DNAJC15: variants seen among roughly 807,000 people sequenced by gnomAD.
DNAJC15 encodes dnaJ homolog subfamily C member 15.
In DNAJC15, 27 loss-of-function variants were observed where a neutral mutation model predicts 22.4. The ratio of observed to expected loss-of-function variants is 1.20; its 90% CI spans 0.89 to 1.66. DNAJC15 has a LOEUF of 1.66. Ranked by LOEUF, DNAJC15 falls within the 40% of genes most tolerant of loss-of-function variation. The pLI, the probability that DNAJC15 is intolerant of heterozygous loss-of-function variation, is 0.00. For missense variants in DNAJC15, 208 were observed against 187.1 expected (o/e 1.11, Z -0.65); for synonymous variants, 79 against 63.2 (o/e 1.25, Z -1.19).
chr13:43,080,351 G>T (rs1438952491), intron 4 of DNAJC15, among the ~76,000 whole-genome samples: 3 of 152,094 alleles, frequency 2.0e-5, no homozygotes, highest in Non-Finnish European at 2.9e-5. Flanking sequence ...GAGGATAATG[G>T]CTTCCAGTTC....
At chr13:43,041,122 C>T (rs1040772195) in intron 1 of DNAJC15, among the ~76,000 whole-genome samples, 3 of 152,190 alleles carry the variant, frequency 2.0e-5, no homozygotes, top group Admixed American at 2.0e-4. Flanking sequence ...CAGGTCTTTC[C>T]CTTCCCACGA....
intron 1 of DNAJC15, among the ~76,000 whole-genome samples, chr13:43,027,522 A>G (rs1196349266): frequency 6.6e-6 from 1 of 152,242 alleles, no homozygotes; most frequent in Non-Finnish European, 1.5e-5. Flanking sequence ...ACTAATTTTC[A>G]GGCATTTATT....
intron 3 of DNAJC15, among the ~76,000 whole-genome samples, chr13:43,070,001 T>C (rs1321882722): frequency 2.0e-5 from 3 of 152,256 alleles, no homozygotes; most frequent in African/African-American, 7.2e-5. Flanking sequence ...GTCATGTTAA[T>C]ACCATTATCA....
intron 5 of DNAJC15, among the ~76,000 whole-genome samples, chr13:43,103,587 C>T (rs1593333671): frequency 6.6e-6 from 1 of 152,250 alleles, no homozygotes; most frequent in South Asian, 2.1e-4. Flanking sequence ...AGTAAATGTT[C>T]CATGTGCAGT....
At chr13:43,088,282 G>T (rs1021532913) in intron 5 of DNAJC15, among the ~76,000 whole-genome samples, 1 of 152,222 alleles carries the variant, frequency 6.6e-6, no homozygotes, top group Non-Finnish European at 1.5e-5. Context: ...GATTGGAAAT[G>T]TTTAAAATAT....
chr13:43,091,507 G>A (rs2040715019), intron 5 of DNAJC15, among the ~76,000 whole-genome samples: 1 of 152,020 alleles, frequency 6.6e-6, no homozygotes, highest in Non-Finnish European at 1.5e-5. Flanking sequence ...CAGGTCTATT[G>A]TTACAAATGG....
intron 4 of DNAJC15, among the ~76,000 whole-genome samples, 195 bp from the exon 5 acceptor site, chr13:43,085,573 G>A (rs1475524492): frequency 2.6e-5 from 4 of 152,116 alleles, no homozygotes; most frequent in Non-Finnish European, 4.4e-5. Context: ...AAGGACTGAA[G>A]AAAAACACAT....
At chr13:43,038,434 A>G (rs1231522865) in intron 1 of DNAJC15, among the ~76,000 whole-genome samples, 1 of 152,242 alleles carries the variant, frequency 6.6e-6, no homozygotes, top group Non-Finnish European at 1.5e-5. Context: ...AAGAGGGACT[A>G]GTAATGCCAG....
chr13:43,034,304 C>CTTT (rs1566199869), intron 1 of DNAJC15, among the ~76,000 whole-genome samples: 6 of 92,934 alleles, frequency 6.5e-5, no homozygotes, highest in South Asian at 3.9e-4. Flanking sequence ...GGAGATTTGT[C>CTTT]CTTTTTTTTT....
In DNAJC15 at chr13:43,044,792, G is replaced by A. The variant is rs551203846; in HGVS notation, c.109-20894G>A. 7.9e-5 allele frequency among the ~76,000 whole-genome samples: 12 copies of A among 151,700 alleles called. No homozygotes were observed. In the South Asian group the frequency reaches 1.0e-3, roughly 13 times the overall value. ...AGCAAATCCTATTGGCCTTACCTCC[G>A]AACTCTATCTAGTATCTCACCACTT... On this transcript the variant is annotated intron_variant, in intron 1 of 5. Coordinates refer to ENST00000379221, the MANE Select transcript of DNAJC15 (RefSeq NM_013238.3).
chr13:43,053,749 T>C lies in DNAJC15; in HGVS notation c.109-11937T>C, dbSNP rs80256814. On this transcript the variant is annotated intron_variant, in intron 1 of 5. Transcript: ENST00000379221. ...TTAGTGTATAGCAGAGCTACTGATT[T>C]GTGTACATTAATTTTGTATCCTGAA... Among the ~76,000 whole-genome samples the C allele has an allele frequency of 3.9e-4, 59 of 152,356 alleles. 1 individual carries two copies. The East Asian group carries it at 0.011, about 29-fold the overall frequency.
At chr13:43,067,932 T>C (rs899179450) in intron 2 of DNAJC15, among the ~76,000 whole-genome samples, 2 of 152,156 alleles carry the variant, frequency 1.3e-5, no homozygotes, top group Non-Finnish European at 2.9e-5. Context: ...TATTTAATGT[T>C]CTCCTTTATC....
chr13:43,091,091 T>G (rs1228239773), intron 5 of DNAJC15, among the ~76,000 whole-genome samples: 1 of 152,082 alleles, frequency 6.6e-6, no homozygotes, highest in East Asian at 1.9e-4. Context: ...TATTTCTTTA[T>G]TTTTTATTTT....
At chr13:43,034,505 C>T (rs1034067905) in intron 1 of DNAJC15, among the ~76,000 whole-genome samples, 3 of 151,150 alleles carry the variant, frequency 2.0e-5, no homozygotes, top group African/African-American at 4.9e-5. Context: ...TTAGTAGAGA[C>T]GGGGTTTCCC....
Position 43,032,083 on chromosome 13 carries a change from C to A in DNAJC15, c.108+8349C>A, listed in dbSNP as rs182498389. 4.7e-4 allele frequency among the ~76,000 whole-genome samples: 71 copies of A among 152,312 alleles called. 1 individual carries two copies. Among genetic ancestry groups the A allele is most frequent in the African/African-American group, 1.7e-3 (69 of 41,568 alleles). On this transcript the variant is annotated intron_variant, in intron 1 of 5. Transcript: ENST00000379221. ...CTACATTAATTGGAACCACGGATGT[C>A]TGTTCAGGGGGAGCTGGAGCCACTG...
intron 1 of DNAJC15, among the ~76,000 whole-genome samples, chr13:43,053,821 C>G (rs2040516970): frequency 6.6e-6 from 1 of 152,136 alleles, no homozygotes; most frequent in Admixed American, 6.6e-5. Context: ...TTGAAGGAGT[C>G]TTCAGGGTTT....
At position 43,082,912 on chromosome 13, in the gene DNAJC15, G is replaced by GTA. The variant is rs547115360; in HGVS notation, c.312-2846_312-2845dup. 6.2e-3 allele frequency among the ~76,000 whole-genome samples: 931 copies of GTA among 151,256 alleles called. 16 individuals are homozygous for GTA. Among genetic ancestry groups the GTA allele is most frequent in the African/African-American group, 0.02 (835 of 41,290 alleles). On this transcript the variant is annotated intron_variant, in intron 4 of 5. Transcript: ENST00000379221. ...TGTGTGTATATATATGTGTGTGTGT[G>GTA]TATATATATATGAAATTTGGATTTT...
At chr13:43,091,669 CTATCTTTGAGT>C (rs2040715784) in intron 5 of DNAJC15, among the ~76,000 whole-genome samples, 1 of 149,256 alleles carries the variant, frequency 6.7e-6, no homozygotes. Context: ...ATTCCTTCCA[CTATCTTTGAGT>C]TTATTTGCTG....
At chr13:43,065,936 A>C (rs946226582) in intron 2 of DNAJC15, among the ~76,000 whole-genome samples, 199 bp downstream of exon 2, 9 of 152,236 alleles carry the variant, frequency 5.9e-5, no homozygotes, top group African/African-American at 2.2e-4. Context: ...GAAGAAAATT[A>C]GTGATAAAAA....
Sources: gnomAD v4.1 joint callset for allele counts (sites outside exome capture counted in the v4.1 genomes callset) on GRCh38, gnomAD v4.1.1 for gene constraint, MANE v1.5 for transcripts, NCBI Gene and HGNC (gene_info 2026-07-23, HGNC 2026-07-21) for gene names.